PCDH17: variants seen among roughly 807,000 people sequenced by gnomAD.
PCDH17 encodes protocadherin-17.
A neutral mutation model predicts 67.7 loss-of-function variants in PCDH17; 21 were observed. The observed-to-expected ratio is 0.31, with a 90% CI of 0.22 to 0.45. PCDH17 has a LOEUF of 0.45. Among genes scored for constraint, PCDH17 ranks in the 20% least tolerant of loss-of-function variants. The pLI, the probability that PCDH17 is intolerant of heterozygous loss-of-function variation, is 1.00. For synonymous variants in PCDH17, 701 were observed against 656.7 expected, an observed-to-expected ratio of 1.07 and a Z score of -1.03; for missense variants, 1,471 against 1,564.8, an observed-to-expected ratio of 0.94 and a Z score of 1.01.
At chr13:57,642,405 T>C (rs1318327693) in intron 1 of PCDH17, among the ~76,000 whole-genome samples, 1 of 151,666 alleles carries the variant, frequency 6.6e-6, no homozygotes, top group African/African-American at 2.4e-5. Flanking sequence ...TACATGTTTG[T>C]AAATTATATT....
intron 1 of PCDH17, among the ~76,000 whole-genome samples, chr13:57,642,828 T>A (rs926742052): frequency 6.6e-6 from 1 of 151,594 alleles, no homozygotes; most frequent in South Asian, 2.1e-4. Context: ...CAGAAATGGT[T>A]ATGGGAGTCA....
chr13:57,641,271 T>C (rs1306050400), intron 1 of PCDH17, among the ~76,000 whole-genome samples: 1 of 151,706 alleles, frequency 6.6e-6, no homozygotes, highest in East Asian at 1.9e-4. Context: ...AATGATATAC[T>C]GCGATCTTTG....
chr13:57,720,019 A>G (rs1457473882), intron 3 of PCDH17, among the ~76,000 whole-genome samples: 1 of 151,984 alleles, frequency 6.6e-6, no homozygotes, highest in Non-Finnish European at 1.5e-5. Flanking sequence ...TTTGTGGGAG[A>G]CTATTAAAAC....
chr13:57,724,779 A>T lies in PCDH17; in HGVS notation c.2965A>T (p.Thr989Ser), dbSNP rs775428870. Residue 989 changes from threonine to serine, a missense_variant, in exon 4 of 4, where the codon ACT becomes TCT. By Grantham distance (58) the Thr-to-Ser change is moderately conservative. Coordinates refer to ENST00000377918, the MANE Select transcript of PCDH17 (RefSeq NM_001040429.3). ...EANVETETYE[T>S]VNPTGKKTFC... is the part of the protein sequence containing the mutation. ...TAATGTTGAGACTGAGACTTACGAA[A>T]CTGTGAATCCCACTGGGAAAAAGAC... is the stretch of plus-strand genomic sequence containing the variant. The T allele has an allele frequency of 1.1e-5, 17 of 1,614,058 alleles. No individual in the cohort carries two copies. The East Asian group carries it at 3.3e-4, about 32-fold the overall frequency.
intron 3 of PCDH17, among the ~76,000 whole-genome samples, chr13:57,704,882 G>C (rs1027902162): frequency 2.0e-5 from 3 of 151,912 alleles, no homozygotes; most frequent in African/African-American, 7.3e-5. Context: ...ACTTGCTAAG[G>C]ACATGTGAAT....
At chr13:57,687,649 T>C (rs1364740334) in intron 3 of PCDH17, among the ~76,000 whole-genome samples, 3 of 151,736 alleles carry the variant, frequency 2.0e-5, no homozygotes, top group Non-Finnish European at 2.9e-5. Context: ...ACCTGTACAG[T>C]GCCTTTCATT....
At chr13:57,707,334 C>CGTGTGT (rs56840875) in intron 3 of PCDH17, among the ~76,000 whole-genome samples, 9,028 of 145,740 alleles carry the variant, frequency 0.062, 509 homozygotes, top group East Asian at 0.28. Context: ...GATATATGAC[C>CGTGTGT]GTGTGTGTGT....
chr13:57,663,182 C>T (rs1955204851), intron 1 of PCDH17, among the ~76,000 whole-genome samples: 1 of 151,898 alleles, frequency 6.6e-6, no homozygotes, highest in African/African-American at 2.4e-5. Flanking sequence ...TAATGATAAA[C>T]AAATCATCAT....
At chr13:57,692,410 G>A (rs1156866018) in intron 3 of PCDH17, among the ~76,000 whole-genome samples, 1 of 151,142 alleles carries the variant, frequency 6.6e-6, no homozygotes, top group African/African-American at 2.4e-5. Context: ...AGTTAACTAG[G>A]CTGACATTTA....
chr13:57,669,726 G>T (rs572784461), intron 3 of PCDH17, among the ~76,000 whole-genome samples: 1 of 152,130 alleles, frequency 6.6e-6, no homozygotes, highest in South Asian at 2.1e-4. Flanking sequence ...TGGCACAGCA[G>T]GTTGGAGTTT....
In PCDH17 at chr13:57,725,180, C is replaced by T. The variant is rs770649323; in HGVS notation, c.3366C>T (p.Asp1122=). 1.2e-6 allele frequency: 2 copies of T among 1,613,940 alleles called. No homozygotes were observed. The highest frequency in any genetic ancestry group is 2.7e-5 in the African/African-American group (2 of 74,892). ...SEMGAVLEQL[D]HPNRDLGRES... Reference sequence around the variant, plus strand: ...TGGGTGCTGTTCTTGAGCAGCTTGACCACCCCAACAGGGATCTGGGCAGAG... The same window carrying T: ...TGGGTGCTGTTCTTGAGCAGCTTGATCACCCCAACAGGGATCTGGGCAGAG... Residue 1122 remains aspartate, a synonymous_variant, in exon 4 of 4, where the codon GAC becomes GAT. Transcript: ENST00000377918.
intron 1 of PCDH17, among the ~76,000 whole-genome samples, chr13:57,655,236 A>G (rs1955088436): frequency 6.6e-6 from 1 of 152,004 alleles, no homozygotes; most frequent in Admixed American, 6.6e-5. Context: ...CAAAACAGAG[A>G]GACAACTAAA....
chr13:57,670,849 A>G (rs1955311335), intron 3 of PCDH17, among the ~76,000 whole-genome samples: 1 of 151,868 alleles, frequency 6.6e-6, no homozygotes, highest in African/African-American at 2.4e-5. Context: ...TGCTACCATT[A>G]GTTTAATTCC....
intron 3 of PCDH17, among the ~76,000 whole-genome samples, chr13:57,687,536 G>A (rs1955519729): frequency 1.3e-5 from 2 of 151,384 alleles, no homozygotes; most frequent in African/African-American, 2.4e-5. Context: ...TAATAATGAA[G>A]CTAACTCATT....
At chr13:57,704,117 AG>A (rs1955693342) in intron 3 of PCDH17, among the ~76,000 whole-genome samples, 4 of 152,214 alleles carry the variant, frequency 2.6e-5, no homozygotes, top group African/African-American at 9.6e-5. Context: ...TCTGATTTCA[AG>A]ACTAAAATGA....
rs528561306 is a variant in PCDH17, at chr13:57,716,274, T to C, written c.2798-8338T>C. Among the ~76,000 whole-genome samples, 12 of 152,166 alleles carry C rather than the reference T, an allele frequency of 7.9e-5. No homozygotes were observed. The East Asian group carries it at 2.1e-3, about 27-fold the overall frequency. ...ATATGATACACTGCTTAAATACTTA[T>C]ACTAGTGCTTCATTGCCTGCTGCAT... On this transcript the variant is annotated intron_variant, in intron 3 of 3. Transcript: ENST00000377918.
intron 1 of PCDH17, among the ~76,000 whole-genome samples, chr13:57,662,502 A>T (rs1351931686): frequency 2.0e-5 from 3 of 152,188 alleles, no homozygotes; most frequent in Non-Finnish European, 4.4e-5. Flanking sequence ...GCGCTATTAT[A>T]AGTGTATTGT....
At chr13:57,638,005 C>A (rs1160914696) in intron 1 of PCDH17, among the ~76,000 whole-genome samples, 2 of 151,746 alleles carry the variant, frequency 1.3e-5, no homozygotes, top group African/African-American at 4.8e-5. Context: ...TTTCAAGTTC[C>A]TCAGAAAAAT....
intron 3 of PCDH17, among the ~76,000 whole-genome samples, chr13:57,687,138 G>C (rs1350185494): frequency 6.6e-6 from 1 of 151,958 alleles, no homozygotes; most frequent in African/African-American, 2.4e-5. Context: ...TTGATAAAAT[G>C]CAATTTTAGG....
Sources: gnomAD v4.1 joint callset for allele counts (sites outside exome capture counted in the v4.1 genomes callset) on GRCh38, gnomAD v4.1.1 for gene constraint, MANE v1.5 for transcripts, NCBI Gene and HGNC (gene_info 2026-07-23, HGNC 2026-07-21) for gene names.